Variants in VSIG10L observed in about 807,000 individuals in gnomAD.
VSIG10L encodes V-set and immunoglobulin domain-containing protein 10-like.
A neutral mutation model predicts 67.3 loss-of-function variants in VSIG10L; 63 were observed. That is an observed-to-expected ratio of 0.94 (90% confidence interval 0.76 to 1.15). The LOEUF (loss-of-function observed/expected upper bound fraction) is 1.15. Ranked by LOEUF, VSIG10L falls within the 50% of genes most tolerant of loss-of-function variation. The probability of loss-of-function intolerance (pLI) is 0.00; values close to 1 mark genes in which losing one functional copy is unlikely to be tolerated. For synonymous variants in VSIG10L, 499 were observed against 524.9 expected, an observed-to-expected ratio of 0.95 and a Z score of 0.67; for missense variants, 1,050 against 1,177.5, an observed-to-expected ratio of 0.89 and a Z score of 1.58.
rs1321557868 is a variant in VSIG10L at position 51,337,989 on chromosome 19, T to C, written c.1949A>G (p.Asn650Ser). 1.9e-6 allele frequency: 3 copies of C among 1,551,654 alleles called. No individual in the cohort carries two copies. The highest frequency in any genetic ancestry group is 2.6e-6 in the Non-Finnish European group (3 of 1,146,960). Residue 650 changes from asparagine to serine, a missense_variant, in exon 6 of 10, where the codon AAT becomes AGT. Physicochemically the swap from Asn to Ser is conservative, Grantham distance 46 (BLOSUM62 1). Transcript: ENST00000335624. Reference protein sequence around the residue: ...GNFSLDWDLGNYSVLCSGALG... With the variant: ...GNFSLDWDLGSYSVLCSGALG... ...CGCCCCACTGCACAGCACGGAGTAA[T>C]TTCCCAGGTCCCAATCCAGGCTGAA... is the stretch of plus-strand genomic sequence containing the variant.
Position 51,332,567 on chromosome 19 carries a change from T to C in VSIG10L, c.*44A>G, listed in dbSNP as rs372427820. 2 of 1,551,096 alleles carry C rather than the reference T, an allele frequency of 1.3e-6. No homozygotes were observed. Among genetic ancestry groups the C allele is most frequent in the East Asian group, 2.4e-5 (1 of 40,904 alleles). ...CCTGTGCAGGGCAGACCACTGGCTC[T>C]GATCACACCTGTGTGGCTGCGCGAA... is the stretch of plus-strand genomic sequence containing the variant. On this transcript the variant is annotated 3_prime_UTR_variant, in exon 10 of 10. Transcript: ENST00000335624.
chr19:51,341,655 G>A lies in VSIG10L; in HGVS notation c.393C>T (p.Asp131=), dbSNP rs763473415. 1 of 1,551,712 alleles carries A rather than the reference G, an allele frequency of 6.4e-7. No homozygotes were observed. The highest frequency in any genetic ancestry group is 2.4e-5 in the East Asian group (1 of 40,928). The change falls in exon 2 of 10, where the codon GAC becomes GAT. Residue 131 remains aspartate, a synonymous_variant. Coordinates refer to ENST00000335624, the MANE Select transcript of VSIG10L (RefSeq NM_001163922.3). ...DISDPQVPAK[D]PKPSFTVKTP... is the part of the protein sequence containing the mutation. ...TCTTAACAGTGAAGGAAGGCTTGGGGTCTTTGGCAGGAACTTGAGGATCCG... is the reference window on the plus strand; with the variant it reads ...TCTTAACAGTGAAGGAAGGCTTGGGATCTTTGGCAGGAACTTGAGGATCCG...
rs1474789794 is a variant in VSIG10L, at chr19:51,333,776, G to A, written c.2574+15C>T. On this transcript the variant is annotated intron_variant, in intron 9 of 9. Transcript: ENST00000335624. ...CGCCCCGATTCCAGGAGGAAATGAG[G>A]GCACCCACACTCACTTGGTAGGCCC... 2.6e-6 allele frequency: 4 copies of A among 1,521,540 alleles called. No homozygotes were observed. Among genetic ancestry groups the A allele is most frequent in the Non-Finnish European group, 2.6e-6 (3 of 1,134,508 alleles). 94.3% of individuals were successfully genotyped at this position (1,521,540 alleles called of 1,614,324 possible).
At chr19:51,333,998 G>A (rs1599831939) in intron 8 of VSIG10L, 53 bp from the exon 9 acceptor site, 8 of 1,544,966 alleles carry the variant, frequency 5.2e-6, no homozygotes, top group Non-Finnish European at 7.0e-6. Context: ...GCCCCAACAT[G>A]CCAACCCAGC....
Position 51,341,591 on chromosome 19 carries a change from T to C in VSIG10L, c.457A>G (p.Lys153Glu). 1 of 1,551,708 alleles carries C rather than the reference T, an allele frequency of 6.4e-7. No individual in the cohort carries two copies. Among genetic ancestry groups the C allele is most frequent in the Non-Finnish European group, 8.7e-7 (1 of 1,146,986 alleles). ...SNISTQVSHT[K>E]LSVEAPDSKF... ...GAATCTGGGGCCTCAACAGACAGTT[T>C]GGTATGGGAGACTTGAGTAGAAATG... The change falls in exon 2 of 10, where the codon AAA becomes GAA. Residue 153 changes from lysine to glutamate, a missense_variant. Physicochemically the swap from Lys to Glu is moderately conservative, Grantham distance 56. This residue lies in a region of VSIG10L where 511 missense variants were observed against 557.9 expected (regional missense o/e 0.92). Transcript: ENST00000335624.
At position 51,341,250 on chromosome 19, in the gene VSIG10L, G is replaced by A. The variant is rs543168660; in HGVS notation, c.798C>T (p.Leu266=). ...CTGCATCGTCCAGCTGGGCAGAGGC[G>A]AGCTCCAGAACCCCCCGGGCCTGGT... is the stretch of plus-strand genomic sequence containing the variant. ...RFDQARGVLE[L]ASAQLDDAGV... Residue 266 remains leucine (L), a synonymous_variant, in exon 2 of 10, where the codon CTC becomes CTT. Coordinates refer to ENST00000335624, the MANE Select transcript of VSIG10L (RefSeq NM_001163922.3). 6 of 1,550,778 alleles carry A rather than the reference G, an allele frequency of 3.9e-6. No individual in the cohort carries two copies. The highest frequency in any genetic ancestry group is 1.7e-4 in the Middle Eastern group (1 of 5,990).
chr19:51,340,088 G>T lies in VSIG10L; in HGVS notation c.1401C>A (p.Gly467=). The stretch of plus-strand genomic sequence containing the variant: ...GGTTCGCCGCCAGGCAGGCGTAGGT[G>T]CCTGCGTGGCCCGGTCCGACCGCGG... ...LLPAVGPGHA[G]TYACLAANPR... Residue 467 remains glycine (G), a synonymous_variant, in exon 4 of 10, where the codon GGC becomes GGA. Coordinates refer to ENST00000335624, the MANE Select transcript of VSIG10L (RefSeq NM_001163922.3). The surrounding 1 kb of genome is among the most constrained non-coding windows in gnomAD (Gnocchi z 6.3). 1 of 1,386,466 alleles carries T rather than the reference G, an allele frequency of 7.2e-7. No homozygotes were observed. The highest frequency in any genetic ancestry group is 9.3e-7 in the Non-Finnish European group (1 of 1,071,238). The allele number at this position is 1,386,466 out of a possible 1,614,324, so 85.9% of individuals were successfully genotyped here.
At chr19:51,339,901 A>G (rs948710613) in intron 4 of VSIG10L, 114 bp downstream of exon 4, 47 of 768,814 alleles carry the variant, frequency 6.1e-5, no homozygotes, top group Middle Eastern at 1.1e-3. Context: ...GCCCTGCCCC[A>G]CCCACCGGTA....
chr19:51,338,158 C>G lies in VSIG10L; in HGVS notation c.1780G>C (p.Gly594Arg). 1 of 1,525,700 alleles carries G rather than the reference C, an allele frequency of 6.6e-7. No individual in the cohort carries two copies. Among genetic ancestry groups the G allele is most frequent in the Non-Finnish European group, 8.8e-7 (1 of 1,133,570 alleles). The allele number at this position is 1,525,700 out of a possible 1,614,324, so 94.5% of individuals were successfully genotyped here. The stretch of plus-strand genomic sequence containing the variant: ...GCCTCCAGTGCCACCTCTGCCTCCC[C>G]CAACCGTGTCTCTGCCACCAGCGGA... Reference protein sequence around the residue: ...LHPLVAETRLGEAEVALEASG... With the variant: ...LHPLVAETRLREAEVALEASG... The change falls in exon 6 of 10, where the codon GGG becomes CGG. Residue 594 changes from glycine (G) to arginine (R), a missense_variant. Gly to Arg is a moderately radical substitution (Grantham distance 125). Around this residue, in one of 3 missense-constraint regions of VSIG10L, gnomAD observed 529 missense variants for 584.9 expected, o/e 0.90. Coordinates refer to ENST00000335624, the MANE Select transcript of VSIG10L (RefSeq NM_001163922.3).
chr19:51,338,898 T>C lies in VSIG10L; in HGVS notation c.1719A>G (p.Thr573=), dbSNP rs374146923. Residue 573 remains threonine (T), a synonymous_variant, in exon 5 of 10, where the codon ACA becomes ACG. Coordinates refer to ENST00000335624, the MANE Select transcript of VSIG10L (RefSeq NM_001163922.3). ...CCCGCGCCCTCTCACCCGGCGTGAC[T>C]GTGCAGGTACGCGTGGCCACCAGGT... is the stretch of plus-strand genomic sequence containing the variant. ...ARHLVATRTC[T]VTPEAPREVL... The C allele has an allele frequency of 0.011, 15,387 of 1,410,860 alleles. 130 individuals are homozygous for C. Among genetic ancestry groups the C allele is most frequent in the Admixed American group, 0.016 (476 of 30,200 alleles). 87.4% of individuals were successfully genotyped at this position (1,410,860 alleles called of 1,614,324 possible). A position where few individuals can be genotyped will look rare whatever the true frequency, so the allele number is the denominator to read the frequency against.
intron 7 of VSIG10L, among the ~76,000 whole-genome samples, chr19:51,334,534 A>T (rs1387069969): frequency 6.6e-6 from 1 of 152,240 alleles, no homozygotes; most frequent in African/African-American, 2.4e-5. Flanking sequence ...TTCGTGGGCC[A>T]AACAGGAAAG....
Position 51,338,958 on chromosome 19 carries a change from C to T in VSIG10L, c.1659G>A (p.Arg553=). 7.0e-7 allele frequency: 1 copy of T among 1,427,082 alleles called. No homozygotes were observed. Among genetic ancestry groups the T allele is most frequent in the Non-Finnish European group, 9.2e-7 (1 of 1,083,170 alleles). 88.4% of individuals were successfully genotyped at this position (1,427,082 alleles called of 1,614,324 possible). A position where few individuals can be genotyped will look rare whatever the true frequency, so the allele number is the denominator to read the frequency against. The change falls in exon 5 of 10, where the codon CGG becomes CGA. Residue 553 remains arginine (R), a synonymous_variant. Coordinates refer to ENST00000335624, the MANE Select transcript of VSIG10L (RefSeq NM_001163922.3). ...VLLAAVPAHP[R]LSGVPITCLA... is the part of the protein sequence containing the mutation. ...GGCAGGTGATGGGGACGCCGCTGAG[C>T]CGGGGGTGGGCGGGGACGGCCGCCA...
chr19:51,337,891 G>C (rs374307270), intron 6 of VSIG10L, 39 bp downstream of exon 6: 4 of 1,508,570 alleles, frequency 2.7e-6, no homozygotes, highest in East Asian at 2.5e-5. Context: ...AGCGGCTGGG[G>C]ACGTGGACTT....
Position 51,341,225 on chromosome 19 carries a change from C to G in VSIG10L, c.823G>C (p.Gly275Arg). 6.4e-7 allele frequency: 1 copy of G among 1,551,098 alleles called. No individual in the cohort carries two copies. The change falls in exon 2 of 10, where the codon GGG (glycine) becomes CGG (arginine). Residue 275 changes from glycine (G) to arginine (R), a missense_variant. This residue lies in a region of VSIG10L where 511 missense variants were observed against 557.9 expected (regional missense o/e 0.92). Transcript: ENST00000335624. The part of the protein sequence containing the change: ...ELASAQLDDA[G>R]VYTAEVIRAG... ...CGGATGACCTCAGCCGTGTAGACCC[C>G]TGCATCGTCCAGCTGGGCAGAGGCG...
Position 51,340,534 on chromosome 19 carries a change from A to T in VSIG10L, c.1088T>A (p.Leu363Gln). 2 of 1,534,896 alleles carry T rather than the reference A, an allele frequency of 1.3e-6. No homozygotes were observed. Among genetic ancestry groups the T allele is most frequent in the Non-Finnish European group, 1.7e-6 (2 of 1,145,408 alleles). Residue 363 changes from leucine (L) to glutamine (Q), a missense_variant, in exon 3 of 10, where the codon CTG becomes CAG. Leu to Gln is a moderately radical substitution (Grantham distance 113). Transcript: ENST00000335624. The surrounding 1 kb of genome is among the most constrained non-coding windows in gnomAD (Gnocchi z 6.3). ...TPRMRSEGDQLLIVRPVRSDH... is the reference protein window; with the variant it reads ...TPRMRSEGDQQLIVRPVRSDH... The stretch of plus-strand genomic sequence containing the variant: ...GCTGCGCACAGGGCGCACGATGAGC[A>T]GCTGGTCGCCCTCTGAGCGCATCCG...
chr19:51,332,780 A>T, intron 9 of VSIG10L, 140 bp from the exon 10 acceptor site: 6 of 775,956 alleles, frequency 7.7e-6, no homozygotes, highest in Non-Finnish European at 1.2e-5. Context: ...AGGGGAAAAA[A>T]AATGCCTGGC....
Position 51,334,289 on chromosome 19 carries a change from T to C in VSIG10L, c.2321A>G (p.His774Arg), listed in dbSNP as rs753753190. ...RVYRAGPTLS[H>R]GAIAGIVLGS... The stretch of plus-strand genomic sequence containing the variant: ...CAGGACGATGCCAGCGATGGCCCCA[T>C]GGCTCAACGTGGGGCCTGGAAGAGA... The change falls in exon 8 of 10, where the codon CAT (histidine) becomes CGT (arginine). Residue 774 changes from histidine to arginine, a missense_variant. Physicochemically the swap from His to Arg is conservative, Grantham distance 29. Coordinates refer to ENST00000335624, the MANE Select transcript of VSIG10L (RefSeq NM_001163922.3). 2 of 1,551,578 alleles carry C rather than the reference T, an allele frequency of 1.3e-6. No homozygotes were observed. The highest frequency in any genetic ancestry group is 4.9e-5 in the East Asian group (2 of 40,904).
chr19:51,338,278 C>T (rs1985538983), intron 5 of VSIG10L, 70 bp from the exon 6 acceptor site: 5 of 1,424,040 alleles, frequency 3.5e-6, no homozygotes, highest in Non-Finnish European at 3.7e-6. Context: ...GATCCTATGC[C>T]CTACTTTAAA....
chr19:51,339,115 G>A lies in VSIG10L; in HGVS notation c.1502C>T (p.Ser501Leu). The change falls in exon 5 of 10, where the codon TCA becomes TTA. Residue 501 changes from serine (S) to leucine (L), a missense_variant. Around this residue, in one of 3 missense-constraint regions of VSIG10L, gnomAD observed 529 missense variants for 584.9 expected, o/e 0.90. Transcript: ENST00000335624. ...ADLPPGAPQC[S>L]VEGGPGDRSL... ...GCGGTCCCCGGGACCCCCTTCAACT[G>A]AGCACTGTGGGGCCCCGGGGGGCAG... 7.5e-7 allele frequency: 1 copy of A among 1,331,258 alleles called. No individual in the cohort carries two copies. Among genetic ancestry groups the A allele is most frequent in the East Asian group, 3.1e-5 (1 of 31,980 alleles). The allele number at this position is 1,331,258 out of a possible 1,614,324, so 82.5% of individuals were successfully genotyped here. A position where few individuals can be genotyped will look rare whatever the true frequency, so the allele number is the denominator to read the frequency against.
Sources: allele counts gnomAD v4.1 joint callset (sites outside exome capture counted in the v4.1 genomes callset), GRCh38; gene constraint gnomAD v4.1.1; regional missense constraint gnomAD v4.1.1; non-coding constraint Gnocchi (gnomAD v3.1); transcripts MANE v1.5; gene names NCBI Gene and HGNC (gene_info 2026-07-23, HGNC 2026-07-21).